Variants in CACNA1H observed in about 807,000 individuals in gnomAD.
CACNA1H encodes the protein voltage-dependent T-type calcium channel subunit alpha-1H.
A neutral mutation model predicts 192.5 loss-of-function variants in CACNA1H; 149 were observed. The observed-to-expected ratio is 0.77, with a 90% CI of 0.68 to 0.89. The LOEUF is 0.89. CACNA1H is among the 40% of genes least tolerant of loss of function. CACNA1H has a pLI of 0.00. For missense variants in CACNA1H, 4,257 were observed against 3,423.5 expected, an observed-to-expected ratio of 1.24 and a Z score of -6.08; for synonymous variants, 2,202 against 1,475.2, an observed-to-expected ratio of 1.49 and a Z score of -11.29.
Position 1,180,918 on chromosome 16 carries a change from G to A in CACNA1H, c.300-14054G>A, listed in dbSNP as rs1241225543. 2.6e-5 allele frequency among the ~76,000 whole-genome samples: 4 copies of A among 152,320 alleles called. No individual in the cohort carries two copies. Among genetic ancestry groups the A allele is most frequent in the Non-Finnish European group, 4.4e-5 (3 of 68,008 alleles). On this transcript the variant is annotated intron_variant, in intron 2 of 34. Coordinates refer to ENST00000348261, the MANE Select transcript of CACNA1H (RefSeq NM_021098.3). This position sits in a 1 kb window ranked among gnomAD's most constrained non-coding sequence, Gnocchi z 4.4. ...GGCCGCGTTGGCAGGGGCTCACCCCGTCTTCCCGCAGGAAAGCGCCTTGGC... is the reference window on the plus strand; with the variant it reads ...GGCCGCGTTGGCAGGGGCTCACCCCATCTTCCCGCAGGAAAGCGCCTTGGC...
intron 27 of CACNA1H, among the ~76,000 whole-genome samples, chr16:1,214,437 A>G (rs1347360750): frequency 6.6e-6 from 1 of 152,214 alleles, no homozygotes; most frequent in Non-Finnish European, 1.5e-5. Context: ...GCCAGAGGCC[A>G]GGAGCCTGGG....
Position 1,221,623 on chromosome 16 carries a change from C to T in CACNA1H, c.*629C>T, listed in dbSNP as rs925496300. 3.2e-5 allele frequency: 24 copies of T among 755,582 alleles called. No homozygotes were observed. The highest frequency in any genetic ancestry group is 1.6e-4 in the African/African-American group (9 of 56,274). 46.8% of individuals were successfully genotyped at this position (755,582 alleles called of 1,614,324 possible). ...ATCAGGCCTCCCCTACATCTGGGGG[C>T]GTTGGCCGCGAGATTCCCATTGACA... On this transcript the variant is annotated 3_prime_UTR_variant, in exon 35 of 35. Transcript: ENST00000348261.
At chr16:1,189,444 T>G (rs1966390670) in intron 2 of CACNA1H, among the ~76,000 whole-genome samples, 2 of 123,766 alleles carry the variant, frequency 1.6e-5, no homozygotes, top group African/African-American at 6.1e-5. Context: ...TGATATGGGG[T>G]CTTGCTCCGT....
chr16:1,221,696 T>G lies in CACNA1H; in HGVS notation c.*702T>G. 5.5e-6 allele frequency: 7 copies of G among 1,262,224 alleles called. No homozygotes were observed. The highest frequency in any genetic ancestry group is 7.6e-6 in the Non-Finnish European group (7 of 924,662). 78.2% of individuals were successfully genotyped at this position (1,262,224 alleles called of 1,614,324 possible). Reference sequence around the variant, plus strand: ...ATTCAGGTTAAATGTTGCAATAATCTGATGCAGAAGACTCAGCTTCTCAAG... The same window carrying G: ...ATTCAGGTTAAATGTTGCAATAATCGGATGCAGAAGACTCAGCTTCTCAAG... On this transcript the variant is annotated 3_prime_UTR_variant, in exon 35 of 35. Transcript: ENST00000348261.
chr16:1,169,780 G>GCCTGGTC (rs777619250), intron 2 of CACNA1H, among the ~76,000 whole-genome samples: 12 of 152,220 alleles, frequency 7.9e-5, no homozygotes, highest in Non-Finnish European at 1.2e-4. Context: ...TGCCTCCCAG[G>GCCTGGTC]CCTGGTCCCT....
chr16:1,193,746 C>CA (rs1966813423), intron 2 of CACNA1H, among the ~76,000 whole-genome samples: 1 of 152,158 alleles, frequency 6.6e-6, no homozygotes, highest in Non-Finnish European at 1.5e-5. Context: ...GCACTGGCAT[C>CA]AAATGCTGAC....
chr16:1,207,950 G>A (rs1222924758), intron 15 of CACNA1H, 63 bp from the exon 16 acceptor site: 17 of 1,542,332 alleles, frequency 1.1e-5, no homozygotes, highest in Non-Finnish European at 1.3e-5. Context: ...TCCCTAGGTT[G>A]GGGGATTCCT....
At chr16:1,217,591 C>A (rs1970133019) in intron 31 of CACNA1H, among the ~76,000 whole-genome samples, 2 of 152,240 alleles carry the variant, frequency 1.3e-5, no homozygotes, top group Non-Finnish European at 2.9e-5. Context: ...GTCTGTCCAC[C>A]AGGTAAGCTT....
chr16:1,175,736 G>C (rs1385239318), intron 2 of CACNA1H, among the ~76,000 whole-genome samples: 1 of 152,224 alleles, frequency 6.6e-6, no homozygotes, highest in African/African-American at 2.4e-5. Flanking sequence ...CTGGGAGTGG[G>C]TTTTGAGGGC....
chr16:1,220,567 G>A lies in CACNA1H; in HGVS notation c.6635G>A (p.Gly2212Asp). 11 of 1,534,544 alleles carry A rather than the reference G, an allele frequency of 7.2e-6. No individual in the cohort carries two copies. The highest frequency in any genetic ancestry group is 9.6e-6 in the Non-Finnish European group (11 of 1,147,352). The change falls in exon 35 of 35, where the codon GGC becomes GAC. Residue 2212 changes from glycine to aspartate, a missense_variant. Physicochemically the swap from Gly to Asp is moderately conservative, Grantham distance 94 (BLOSUM62 -1). Transcript: ENST00000348261. ...GSARPSAAEG[G>D]STTLRRRTPS... ...GCGCGGCCCTCCGCGGCAGAGGGCGGCAGCACCACACTGAGGCGCAGGACC... is the reference window on the plus strand; with the variant it reads ...GCGCGGCCCTCCGCGGCAGAGGGCGACAGCACCACACTGAGGCGCAGGACC...
chr16:1,211,473 C>T lies in CACNA1H; in HGVS notation c.4351-8C>T. The T allele has an allele frequency of 6.2e-7, 1 of 1,612,408 alleles. No individual in the cohort carries two copies. The highest frequency in any genetic ancestry group is 8.5e-7 in the Non-Finnish European group (1 of 1,179,674). ...AGGCCCTCCGCGGTGACCGTCGCAC[C>T]CCGTCAGCTCTTCAAAGGGAAGTTC... is the stretch of plus-strand genomic sequence containing the variant. On this transcript the variant is annotated splice_region_variant and splice_polypyrimidine_tract_variant and intron_variant, in intron 22 of 34. Coordinates refer to ENST00000348261, the MANE Select transcript of CACNA1H (RefSeq NM_021098.3).
intron 2 of CACNA1H, among the ~76,000 whole-genome samples, chr16:1,154,652 A>C (rs1410745366): frequency 6.6e-6 from 1 of 152,072 alleles, no homozygotes; most frequent in East Asian, 1.9e-4. Flanking sequence ...GCGCAGCTGA[A>C]GGGTAGGGGG....
chr16:1,174,609 G>A, intron 2 of CACNA1H, among the ~76,000 whole-genome samples: 1 of 152,148 alleles, frequency 6.6e-6, no homozygotes, highest in East Asian at 1.9e-4. Flanking sequence ...CCCAAGCAGG[G>A]GCAGAGGTAC....
chr16:1,188,633 G>A (rs935858928), intron 2 of CACNA1H, among the ~76,000 whole-genome samples: 3 of 152,250 alleles, frequency 2.0e-5, no homozygotes, highest in Admixed American at 1.3e-4. Context: ...CCCAGGGGCC[G>A]GGAGAAAACG....
chr16:1,153,917 G>T lies in CACNA1H; in HGVS notation c.180G>T (p.Ala60=). The T allele has an allele frequency of 1.4e-6, 2 of 1,455,214 alleles. No homozygotes were observed. Among genetic ancestry groups the T allele is most frequent in the Non-Finnish European group, 1.8e-6 (2 of 1,104,634 alleles). The allele number at this position is 1,455,214 out of a possible 1,614,324, so 90.1% of individuals were successfully genotyped here. The part of the protein sequence containing the change: ...PSESPAAERG[A]ELGADEEQRV... ...AGAGCCCGGCGGCCGAGCGCGGCGC[G>T]GAGCTGGGTGCCGACGAGGAGCAGC... is the stretch of plus-strand genomic sequence containing the variant. The change falls in exon 2 of 35, where the codon GCG becomes GCT. Residue 60 remains alanine (A), a synonymous_variant. Coordinates refer to ENST00000348261, the MANE Select transcript of CACNA1H (RefSeq NM_021098.3).
chr16:1,190,700 CA>C (rs1966527983), intron 2 of CACNA1H, among the ~76,000 whole-genome samples: 1 of 152,268 alleles, frequency 6.6e-6, no homozygotes, highest in Admixed American at 6.5e-5. Flanking sequence ...GCCCCACAGG[CA>C]CAGGGGTGGG....
Position 1,171,967 on chromosome 16 carries a change from T to A in CACNA1H, c.299+17931T>A, listed in dbSNP as rs13336443. 7.1e-3 allele frequency among the ~76,000 whole-genome samples: 1,088 copies of A among 152,182 alleles called. 14 individuals are homozygous for A. Among genetic ancestry groups the A allele is most frequent in the African/African-American group, 0.025 (1,026 of 41,496 alleles). Reference sequence around the variant, plus strand: ...GCGGGCGCCAGGACGGACGCTGGGGTCCAAGTGCGGCATGGGGTTCGCGTG... The same window carrying A: ...GCGGGCGCCAGGACGGACGCTGGGGACCAAGTGCGGCATGGGGTTCGCGTG... On this transcript the variant is annotated intron_variant, in intron 2 of 34. Coordinates refer to ENST00000348261, the MANE Select transcript of CACNA1H (RefSeq NM_021098.3).
In CACNA1H at chr16:1,221,002, C is replaced by G. The variant is rs757737090; in HGVS notation, c.*8C>G. 8 of 1,555,864 alleles carry G rather than the reference C, an allele frequency of 5.1e-6. No individual in the cohort carries two copies. The highest frequency in any genetic ancestry group is 6.1e-6 in the Non-Finnish European group (7 of 1,154,408). ...GCAGATGACCCCGTGTAGCTCGGGGCTTGGTGCCGCCCACGGCTTTGGCCC... is the reference window on the plus strand; with the variant it reads ...GCAGATGACCCCGTGTAGCTCGGGGGTTGGTGCCGCCCACGGCTTTGGCCC... On this transcript the variant is annotated 3_prime_UTR_variant, in exon 35 of 35. Coordinates refer to ENST00000348261, the MANE Select transcript of CACNA1H (RefSeq NM_021098.3).
chr16:1,169,487 AG>A (rs1469618801), intron 2 of CACNA1H, among the ~76,000 whole-genome samples: 3 of 152,150 alleles, frequency 2.0e-5, no homozygotes, highest in Admixed American at 6.5e-5. Flanking sequence ...AAGAAGCAGC[AG>A]CAGGGCTTGG....
Sources: allele counts gnomAD v4.1 joint callset (sites outside exome capture counted in the v4.1 genomes callset), GRCh38; gene constraint gnomAD v4.1.1; non-coding constraint Gnocchi (gnomAD v3.1); transcripts MANE v1.5; gene names NCBI Gene and HGNC (gene_info 2026-07-23, HGNC 2026-07-21).